XKR4: variants seen among roughly 807,000 people sequenced by gnomAD.
The protein encoded by XKR4 is XK-related protein 4.
In XKR4, 12 loss-of-function variants were observed where a neutral mutation model predicts 53.9. The ratio of observed to expected loss-of-function variants is 0.22; its 90% CI spans 0.14 to 0.36. The LOEUF is 0.36. Ranked by LOEUF, XKR4 falls within the 10% of genes least tolerant of loss-of-function variation. The probability of loss-of-function intolerance (pLI) is 1.00; values close to 1 mark genes in which losing one functional copy is unlikely to be tolerated. For missense variants in XKR4, 799 were observed against 859.5 expected, an observed-to-expected ratio of 0.93 and a Z score of 0.88; for synonymous variants, 354 against 362.4, an observed-to-expected ratio of 0.98 and a Z score of 0.26.
At position 55,482,026 on chromosome 8, in the gene XKR4, C is replaced by T. The variant is rs189376877; in HGVS notation, c.1007-41255C>T. 7.8e-3 allele frequency among the ~76,000 whole-genome samples: 1,184 copies of T among 152,270 alleles called. 11 individuals carry two copies. The highest frequency in any genetic ancestry group is 0.024 in the South Asian group (118 of 4,824). The stretch of plus-strand genomic sequence containing the variant: ...AACTAGAAGTAGAAATACCATTTGA[C>T]CCAGCCATCCCATTACTGAGTATAT... On this transcript the variant is annotated intron_variant, in intron 2 of 2. Transcript: ENST00000327381.
chr8:55,293,981 A>G (rs1819065223), intron 1 of XKR4, among the ~76,000 whole-genome samples: 2 of 152,250 alleles, frequency 1.3e-5, no homozygotes, highest in South Asian at 4.1e-4. Flanking sequence ...ACGTTTTGAT[A>G]TCTTGAAACA....
chr8:55,460,060 ATATAG>A (rs1251550744), intron 2 of XKR4, among the ~76,000 whole-genome samples: 1 of 152,186 alleles, frequency 6.6e-6, no homozygotes, highest in African/African-American at 2.4e-5. Flanking sequence ...CATAAACAAA[ATATAG>A]TATATTTATA....
At chr8:55,453,027 A>C in intron 2 of XKR4, 2 of 628,278 alleles carry the variant, frequency 3.2e-6, no homozygotes, top group Non-Finnish European at 3.1e-6. Flanking sequence ...GTGCTCTCTC[A>C]TCCTCCTGGG....
chr8:55,502,942 A>G (rs1020275168), intron 2 of XKR4, among the ~76,000 whole-genome samples: 2 of 152,146 alleles, frequency 1.3e-5, no homozygotes, highest in Admixed American at 6.6e-5. Context: ...TTCCCAGACC[A>G]TTTGTTGAAA....
chr8:55,522,044 G>A (rs375823064), intron 2 of XKR4, among the ~76,000 whole-genome samples: 3 of 152,166 alleles, frequency 2.0e-5, no homozygotes, highest in Non-Finnish European at 4.4e-5. Flanking sequence ...AGCCAGCTGC[G>A]ATGCAGATTG....
At chr8:55,478,688 T>G (rs1806044522) in intron 2 of XKR4, among the ~76,000 whole-genome samples, 1 of 151,862 alleles carries the variant, frequency 6.6e-6, no homozygotes, top group African/African-American at 2.4e-5. Context: ...AGGCTCAAAA[T>G]AAAAGGATGG....
At chr8:55,243,090 C>A (rs1386427368) in intron 1 of XKR4, among the ~76,000 whole-genome samples, 1 of 152,096 alleles carries the variant, frequency 6.6e-6, no homozygotes, top group African/African-American at 2.4e-5. Context: ...AGAGGTTTCC[C>A]ATATACCATC....
intron 2 of XKR4, among the ~76,000 whole-genome samples, chr8:55,463,915 G>A (rs986285571): frequency 6.6e-6 from 1 of 152,098 alleles, no homozygotes; most frequent in Non-Finnish European, 1.5e-5. Flanking sequence ...ACTCTCCCAA[G>A]ACTAAACCAG....
intron 2 of XKR4, among the ~76,000 whole-genome samples, chr8:55,379,744 G>T (rs1411604097): frequency 6.6e-6 from 1 of 152,200 alleles, no homozygotes; most frequent in East Asian, 1.9e-4. Flanking sequence ...GCCCCAACCA[G>T]CTCCTCACTC....
At chr8:55,446,964 T>G (rs1328691878) in intron 2 of XKR4, among the ~76,000 whole-genome samples, 1 of 151,370 alleles carries the variant, frequency 6.6e-6, no homozygotes, top group East Asian at 1.9e-4. Context: ...AAAAATTGGA[T>G]AGGGAAAAAT....
chr8:55,505,184 CTATAGA>C (rs1806507460), intron 2 of XKR4, among the ~76,000 whole-genome samples: 1 of 152,116 alleles, frequency 6.6e-6, no homozygotes, highest in African/African-American at 2.4e-5. Context: ...GCATTTATAT[CTATAGA>C]TGTTTTAGCT....
rs1408902756 is a variant in XKR4, at chr8:55,110,377, T to TA, written c.806+7084dup. Among the ~76,000 whole-genome samples the TA allele has an allele frequency of 1.5e-4, 23 of 152,308 alleles. 1 individual carries two copies. Among genetic ancestry groups the TA allele is most frequent in the Admixed American group, 1.3e-3 (20 of 15,282 alleles). ...AGACCATGGCAAGTTCTCATGAAGTTAGTCTAGTGGTTGTGGAACTTAAGG... is the reference window on the plus strand; with the variant it reads ...AGACCATGGCAAGTTCTCATGAAGTTAAGTCTAGTGGTTGTGGAACTTAAGG... On this transcript the variant is annotated intron_variant, in intron 1 of 2. Transcript: ENST00000327381.
chr8:55,522,408 A>G (rs1272241429), intron 2 of XKR4, among the ~76,000 whole-genome samples: 1 of 152,240 alleles, frequency 6.6e-6, no homozygotes, highest in East Asian at 1.9e-4. Context: ...CTGTAGGAAG[A>G]GTGCCAGATT....
chr8:55,289,646 A>AAAGAAAGAAAGGAAGGAAGG (rs1221597017), intron 1 of XKR4, among the ~76,000 whole-genome samples: 25 of 87,016 alleles, frequency 2.9e-4, no homozygotes, highest in African/African-American at 1.1e-3. Context: ...AGAAAGAAAG[A>AAAGAAAGAAAGGAAGGAAGG]AAGGAAGGAA....
Position 55,509,680 on chromosome 8 carries a change from G to T in XKR4, c.1007-13601G>T, listed in dbSNP as rs1451224128. Among the ~76,000 whole-genome samples, 5 of 152,304 alleles carry T rather than the reference G, an allele frequency of 3.3e-5. No homozygotes were observed. The East Asian group carries it at 9.7e-4, about 29-fold the overall frequency. On this transcript the variant is annotated intron_variant, in intron 2 of 2. Coordinates refer to ENST00000327381, the MANE Select transcript of XKR4 (RefSeq NM_052898.2). ...AATAAGGTTATACTAGAAAAGATTG[G>T]CTGGACTGGCTTTGGTACTCCTGAA...
intron 2 of XKR4, among the ~76,000 whole-genome samples, chr8:55,395,832 C>T (rs1181682754): frequency 6.6e-6 from 1 of 152,190 alleles, no homozygotes; most frequent in Non-Finnish European, 1.5e-5. Context: ...GTTCTGGCGG[C>T]TACAACAAAT....
chr8:55,449,738 T>C lies in XKR4; in HGVS notation c.1007-73543T>C, dbSNP rs57269925. ...CTCAGTGTCCACACGGTGGTCGTAG[T>C]AGCGTAGCTGGTGCTTGGTCTTGTC... On this transcript the variant is annotated intron_variant, in intron 2 of 2. Transcript: ENST00000327381. The C allele has an allele frequency of 4.7e-4, 445 of 950,744 alleles. No homozygotes were observed. In the African/African-American group the frequency reaches 6.5e-3, roughly 14 times the overall value. The allele number at this position is 950,744 out of a possible 1,614,324, so 58.9% of individuals were successfully genotyped here. A position where few individuals can be genotyped will look rare whatever the true frequency, so the allele number is the denominator to read the frequency against.
At chr8:55,462,888 A>G (rs1298410224) in intron 2 of XKR4, among the ~76,000 whole-genome samples, 1 of 152,256 alleles carries the variant, frequency 6.6e-6, no homozygotes, top group African/African-American at 2.4e-5. Context: ...AGGCCATTAC[A>G]TAATGGTAAA....
chr8:55,294,144 T>C (rs1293899796), intron 1 of XKR4, among the ~76,000 whole-genome samples: 1 of 152,242 alleles, frequency 6.6e-6, no homozygotes, highest in Non-Finnish European at 1.5e-5. Context: ...TTTACAATTC[T>C]GATAATTGTC....
Sources: gnomAD v4.1 joint callset for allele counts (sites outside exome capture counted in the v4.1 genomes callset) on GRCh38, gnomAD v4.1.1 for gene constraint, MANE v1.5 for transcripts, NCBI Gene and HGNC (gene_info 2026-07-23, HGNC 2026-07-21) for gene names.